The following PTPRD variants were observed in gnomAD, a reference collection of about 807,000 sequenced individuals.
PTPRD encodes the protein protein tyrosine phosphatase receptor type D.
PTPRD carries 34 observed loss-of-function variants against 214.5 expected under a neutral mutation model. The observed-to-expected ratio is 0.16, with a 90% CI of 0.12 to 0.21. The LOEUF (loss-of-function observed/expected upper bound fraction) is 0.21. Ranked by LOEUF, PTPRD falls within the 10% of genes least tolerant of loss-of-function variation. The pLI, the probability that PTPRD is intolerant of heterozygous loss-of-function variation, is 1.00. For missense variants in PTPRD, 2,545 were observed against 2,398.7 expected (o/e 1.06, Z -1.27); for synonymous variants, 1,128 against 845.7 (o/e 1.33, Z -5.79).
At chr9:9,939,063 G>A (rs1352595639) in intron 4 of PTPRD, among the ~76,000 whole-genome samples, 1 of 151,440 alleles carries the variant, frequency 6.6e-6, no homozygotes, top group Non-Finnish European at 1.5e-5. Context: ...AACAGAATGT[G>A]ATAATGCAAT....
At chr9:8,897,131 T>G (rs1199428260) in intron 11 of PTPRD, among the ~76,000 whole-genome samples, 4 of 152,196 alleles carry the variant, frequency 2.6e-5, no homozygotes, top group Admixed American at 6.5e-5. Flanking sequence ...ATATTTCATT[T>G]TGTTGAGGTA....
At chr9:8,508,455 T>C (rs1382429576) in intron 21 of PTPRD, among the ~76,000 whole-genome samples, 2 of 152,214 alleles carry the variant, frequency 1.3e-5, no homozygotes, top group Admixed American at 6.5e-5. Flanking sequence ...TGAGTGCCTA[T>C]GCTTTCCCAA....
intron 5 of PTPRD, among the ~76,000 whole-genome samples, chr9:9,768,016 T>C (rs998623197): frequency 1.3e-5 from 2 of 152,208 alleles, no homozygotes; most frequent in African/African-American, 4.8e-5. Flanking sequence ...CATCCATACA[T>C]ACACCATCAC....
At chr9:10,010,617 G>C (rs114448392) in intron 4 of PTPRD, among the ~76,000 whole-genome samples, 1 of 151,732 alleles carries the variant, frequency 6.6e-6, no homozygotes, top group African/African-American at 2.4e-5. Flanking sequence ...TCAGTTAATG[G>C]TGGCTGGATT....
intron 14 of PTPRD, among the ~76,000 whole-genome samples, chr9:8,605,557 G>C (rs1386123947): frequency 6.6e-6 from 1 of 152,206 alleles, no homozygotes; most frequent in Non-Finnish European, 1.5e-5. Flanking sequence ...AGATGGGCTA[G>C]TTACTGTGAG....
At chr9:8,655,597 C>G (rs1313572412) in intron 12 of PTPRD, among the ~76,000 whole-genome samples, 1 of 152,068 alleles carries the variant, frequency 6.6e-6, no homozygotes, top group Non-Finnish European at 1.5e-5. Context: ...AAACATAAAG[C>G]TTTGAAAAAG....
chr9:10,566,947 A>C (rs989416237), intron 2 of PTPRD, among the ~76,000 whole-genome samples: 1 of 151,938 alleles, frequency 6.6e-6, no homozygotes, highest in Non-Finnish European at 1.5e-5. Flanking sequence ...ACTACCTCTC[A>C]CTCAATATTT....
Position 10,447,647 on chromosome 9 carries a change from G to T in PTPRD, c.-599-106630C>A, listed in dbSNP as rs1361118921. 1.3e-5 allele frequency among the ~76,000 whole-genome samples: 2 copies of T among 151,798 alleles called. 1 individual carries two copies. Among genetic ancestry groups the T allele is most frequent in the African/African-American group, 4.9e-5 (2 of 41,160 alleles). On this transcript the variant is annotated intron_variant, in intron 2 of 45. Transcript: ENST00000381196. ...TTTTTTATTTCTCAAATACAGACAG[G>T]AATACAGAAAGAAAAATGCAAGACT...
At chr9:10,244,950 G>A (rs1483810258) in intron 3 of PTPRD, among the ~76,000 whole-genome samples, 7 of 151,860 alleles carry the variant, frequency 4.6e-5, no homozygotes, top group Non-Finnish European at 1.0e-4. Context: ...TCAGTATACT[G>A]GAAAACTCTT....
At position 9,138,117 on chromosome 9, in the gene PTPRD, C is replaced by T. The variant is rs186142521; in HGVS notation, c.-143+45187G>A. ...GATAGACCAGAGCAGATGAATAATA[C>T]CTGTTAAATCAAAGGCAAAGAAATC... On this transcript the variant is annotated intron_variant, in intron 10 of 45. Coordinates refer to ENST00000381196, the MANE Select transcript of PTPRD (RefSeq NM_002839.4). Among the ~76,000 whole-genome samples, 32 of 152,074 alleles carry T rather than the reference C, an allele frequency of 2.1e-4. No individual in the cohort carries two copies. The Middle Eastern group carries it at 0.01, about 48-fold the overall frequency.
At chr9:9,126,320 A>G (rs2099833444) in intron 10 of PTPRD, among the ~76,000 whole-genome samples, 1 of 152,210 alleles carries the variant, frequency 6.6e-6, no homozygotes, top group Non-Finnish European at 1.5e-5. Flanking sequence ...CAATCAGAAA[A>G]GTTGCCAACC....
At chr9:10,087,406 A>C (rs932361819) in intron 3 of PTPRD, among the ~76,000 whole-genome samples, 4 of 151,658 alleles carry the variant, frequency 2.6e-5, no homozygotes, top group Non-Finnish European at 4.4e-5. Flanking sequence ...AATAATGCTA[A>C]GTATGTTTTT....
At chr9:8,547,995 A>C (rs2080766045) in intron 14 of PTPRD, among the ~76,000 whole-genome samples, 1 of 152,232 alleles carries the variant, frequency 6.6e-6, no homozygotes, top group South Asian at 2.1e-4. Flanking sequence ...TGTAAGGTGA[A>C]AACGTGCATG....
intron 12 of PTPRD, among the ~76,000 whole-genome samples, chr9:8,640,151 A>C (rs7875221): frequency 0.055 from 8,382 of 152,096 alleles, 752 homozygotes; most frequent in African/African-American, 0.19. Context: ...GCATGTCTTG[A>C]ACTCCAGGGC....
At chr9:9,445,223 A>G (rs2089968702) in intron 8 of PTPRD, among the ~76,000 whole-genome samples, 1 of 152,194 alleles carries the variant, frequency 6.6e-6, no homozygotes. Flanking sequence ...TGAGAATCCT[A>G]GAACCAAGCA....
chr9:9,400,154 A>G (rs2069692771), intron 8 of PTPRD, among the ~76,000 whole-genome samples: 2 of 146,462 alleles, frequency 1.4e-5, no homozygotes, highest in Admixed American at 7.0e-5. Context: ...TATGAGTTGT[A>G]AGTACCCATT....
chr9:9,495,369 G>T (rs1221575575), intron 8 of PTPRD, among the ~76,000 whole-genome samples: 1 of 150,216 alleles, frequency 6.7e-6, no homozygotes, highest in Non-Finnish European at 1.5e-5. Flanking sequence ...TTTGAAACCT[G>T]CAGCCCAAAG....
At chr9:10,430,254 T>C (rs1295271792) in intron 2 of PTPRD, among the ~76,000 whole-genome samples, 2 of 151,964 alleles carry the variant, frequency 1.3e-5, no homozygotes, top group African/African-American at 4.8e-5. Flanking sequence ...ACATTTCTCA[T>C]TGCAGGCAAA....
At chr9:9,700,152 G>T (rs2097465127) in intron 7 of PTPRD, among the ~76,000 whole-genome samples, 1 of 152,030 alleles carries the variant, frequency 6.6e-6, no homozygotes, top group African/African-American at 2.4e-5. Flanking sequence ...GCTATTGCTT[G>T]AGAAATATAT....
Sources: gnomAD v4.1 joint callset for allele counts (sites outside exome capture counted in the v4.1 genomes callset) on GRCh38, gnomAD v4.1.1 for gene constraint, MANE v1.5 for transcripts, NCBI Gene and HGNC (gene_info 2026-07-23, HGNC 2026-07-21) for gene names.